The following PPP2R5E variants were observed in gnomAD, a reference collection of about 807,000 sequenced individuals.
PPP2R5E encodes protein phosphatase 2 regulatory subunit B'epsilon, also known as serine/threonine-protein phosphatase 2A 56 kDa regulatory subunit epsilon isoform.
PPP2R5E carries 4 observed loss-of-function variants against 65.3 expected under a neutral mutation model. That is an observed-to-expected ratio of 0.06 (90% CI 0.03 to 0.14). The LOEUF is 0.14. Ranked by LOEUF, PPP2R5E falls within the 10% of genes least tolerant of loss-of-function variation. The probability of loss-of-function intolerance (pLI) is 1.00; values close to 1 mark genes in which losing one functional copy is unlikely to be tolerated. For missense variants in PPP2R5E, 274 were observed against 556.1 expected (o/e 0.49, Z 5.10); for synonymous variants, 183 against 187.4 (o/e 0.98, Z 0.19).
chr14:63,534,335 G>A (rs1893573806), intron 2 of PPP2R5E, among the ~76,000 whole-genome samples: 1 of 151,860 alleles, frequency 6.6e-6, no homozygotes, highest in African/African-American at 2.4e-5. Flanking sequence ...CACAATATGA[G>A]CTCACTGCAA....
At chr14:63,486,579 G>C (rs1446928217) in intron 2 of PPP2R5E, among the ~76,000 whole-genome samples, 1 of 151,200 alleles carries the variant, frequency 6.6e-6, no homozygotes, top group Admixed American at 6.7e-5. Flanking sequence ...CATCATTTGG[G>C]TTATACCAGA....
At chr14:63,500,427 A>T (rs1891811446) in intron 2 of PPP2R5E, among the ~76,000 whole-genome samples, 1 of 152,232 alleles carries the variant, frequency 6.6e-6, no homozygotes, top group African/African-American at 2.4e-5. Flanking sequence ...GTGACAGGAA[A>T]TCGTTTACAT....
chr14:63,437,509 G>T (rs1350688285), intron 3 of PPP2R5E, among the ~76,000 whole-genome samples: 1 of 152,050 alleles, frequency 6.6e-6, no homozygotes, highest in Non-Finnish European at 1.5e-5. Flanking sequence ...GTTATTAAGG[G>T]CAGCACAAAT....
chr14:63,453,932 G>A (rs1468514594), intron 2 of PPP2R5E, 47 bp from the exon 3 acceptor site: 3 of 1,339,136 alleles, frequency 2.2e-6, no homozygotes, highest in Non-Finnish European at 3.0e-6. Context: ...CAATTTCCAG[G>A]TAACAGGAAT....
At chr14:63,395,354 A>T in intron 6 of PPP2R5E, 69 bp from the exon 7 acceptor site, 1 of 813,076 alleles carries the variant, frequency 1.2e-6, no homozygotes, top group African/African-American at 2.2e-5. Context: ...TAAAAAGAGG[A>T]GGAGGAGGAG....
chr14:63,399,686 T>C (rs1265684956), intron 5 of PPP2R5E, among the ~76,000 whole-genome samples: 1 of 152,148 alleles, frequency 6.6e-6, no homozygotes, highest in Non-Finnish European at 1.5e-5. Flanking sequence ...AGTGTGCAAG[T>C]TCCTCTGGCT....
At chr14:63,522,727 G>T in intron 2 of PPP2R5E, among the ~76,000 whole-genome samples, 1 of 151,692 alleles carries the variant, frequency 6.6e-6, no homozygotes, top group Admixed American at 6.6e-5. Context: ...CGTCTGAGAA[G>T]TGAGGAGCCC....
intron 3 of PPP2R5E, among the ~76,000 whole-genome samples, chr14:63,425,628 C>T (rs2139900131): frequency 6.6e-6 from 1 of 152,336 alleles, no homozygotes; most frequent in East Asian, 1.9e-4. Context: ...CAGCAACTAT[C>T]TGTTTAGGTA....
At chr14:63,410,587 G>A (rs1469619458) in intron 5 of PPP2R5E, among the ~76,000 whole-genome samples, 1 of 152,130 alleles carries the variant, frequency 6.6e-6, no homozygotes, top group Non-Finnish European at 1.5e-5. Flanking sequence ...GGGATCTCAG[G>A]AGAACCAGTT....
intron 2 of PPP2R5E, among the ~76,000 whole-genome samples, chr14:63,494,699 T>C (rs1304042398): frequency 2.1e-5 from 3 of 145,808 alleles, no homozygotes; most frequent in East Asian, 2.1e-4. Context: ...GTTCAAGACA[T>C]GCCTGGACAA....
In PPP2R5E at chr14:63,373,222, T is replaced by G. The variant is rs565536261; in HGVS notation, c.*2787A>C. On this transcript the variant is annotated 3_prime_UTR_variant, in exon 14 of 14. Transcript: ENST00000337537. ...CAATATGGTAAGGATAAGGTTGGAG[T>G]GATCATCACTCACTAACTACAATAT... 1.3e-5 allele frequency: 2 copies of G among 152,328 alleles called. No homozygotes were observed. The highest frequency in any genetic ancestry group is 1.3e-4 in the Admixed American group (2 of 15,306). 9.4% of individuals were successfully genotyped at this position (152,328 alleles called of 1,614,324 possible).
rs74353011 is a variant in PPP2R5E at position 63,396,570 on chromosome 14, A to G, written c.680+16T>C. 910 of 1,610,484 alleles carry G rather than the reference A, an allele frequency of 5.7e-4. 10 individuals are homozygous for G. The African/African-American group carries it at 0.011, about 19-fold the overall frequency. On this transcript the variant is annotated intron_variant, in intron 6 of 13. Coordinates refer to ENST00000337537, the MANE Select transcript of PPP2R5E (RefSeq NM_006246.5). The stretch of plus-strand genomic sequence containing the variant: ...CAACTTTGCTTCTCCTTCTTCCCCC[A>G]TCACACTCCACTTACCTTAGAAAAA...
At chr14:63,470,433 A>G (rs1594910939) in intron 2 of PPP2R5E, among the ~76,000 whole-genome samples, 1 of 149,128 alleles carries the variant, frequency 6.7e-6, no homozygotes, top group South Asian at 2.1e-4. Context: ...CCACAATCAC[A>G]CTCTGCACTC....
At chr14:63,494,042 A>C (rs1264537103) in intron 2 of PPP2R5E, among the ~76,000 whole-genome samples, 1 of 152,150 alleles carries the variant, frequency 6.6e-6, no homozygotes, top group Non-Finnish European at 1.5e-5. Flanking sequence ...TTTTTTACCC[A>C]GAATTCCACT....
intron 2 of PPP2R5E, among the ~76,000 whole-genome samples, chr14:63,505,461 A>T (rs1892114410): frequency 6.6e-6 from 1 of 152,192 alleles, no homozygotes; most frequent in Non-Finnish European, 1.5e-5. Flanking sequence ...ATTAATAATG[A>T]CAACCTGCTC....
chr14:63,428,686 G>C (rs1167405520), intron 3 of PPP2R5E, among the ~76,000 whole-genome samples: 2 of 152,136 alleles, frequency 1.3e-5, no homozygotes, highest in Non-Finnish European at 2.9e-5. Flanking sequence ...AAATGTGAAA[G>C]AAGAGACTAC....
chr14:63,441,097 T>C (rs1434661994), intron 3 of PPP2R5E, among the ~76,000 whole-genome samples: 2 of 152,208 alleles, frequency 1.3e-5, no homozygotes, highest in East Asian at 3.8e-4. Context: ...AGATACTACC[T>C]ATGTCACAGG....
chr14:63,464,670 G>A (rs1262505093), intron 2 of PPP2R5E, among the ~76,000 whole-genome samples: 3 of 152,190 alleles, frequency 2.0e-5, no homozygotes, highest in Non-Finnish European at 2.9e-5. Flanking sequence ...ACTGTTTACT[G>A]ACAATGGACA....
chr14:63,484,158 G>C (rs952984813), intron 2 of PPP2R5E, among the ~76,000 whole-genome samples: 2 of 151,826 alleles, frequency 1.3e-5, no homozygotes, highest in Non-Finnish European at 2.9e-5. Flanking sequence ...CCACAACAGA[G>C]ATGATGGGGC....
Sources: allele counts gnomAD v4.1 joint callset (sites outside exome capture counted in the v4.1 genomes callset), GRCh38; gene constraint gnomAD v4.1.1; transcripts MANE v1.5; gene names NCBI Gene and HGNC (gene_info 2026-07-23, HGNC 2026-07-21).